Variants in LRRTM3 observed in about 807,000 individuals in gnomAD.
The protein encoded by LRRTM3 is leucine-rich repeat transmembrane neuronal protein 3.
LRRTM3 carries 24 observed loss-of-function variants against 44.7 expected under a neutral mutation model. That is an observed-to-expected ratio of 0.54 (90% CI 0.39 to 0.76). The LOEUF is 0.76. LRRTM3 is among the 30% of genes least tolerant of loss of function. LRRTM3 has a pLI of 0.00. For missense variants in LRRTM3, 587 were observed against 702.2 expected (o/e 0.84, Z 1.85); for synonymous variants, 277 against 278.7 (o/e 0.99, Z 0.06).
At chr10:67,093,819 G>A (rs935093440) in intron 2 of LRRTM3, among the ~76,000 whole-genome samples, 2 of 151,898 alleles carry the variant, frequency 1.3e-5, no homozygotes, top group African/African-American at 4.8e-5. Flanking sequence ...TTTCATCCTA[G>A]TCACACTCCT....
intron 2 of LRRTM3, among the ~76,000 whole-genome samples, chr10:67,041,205 C>T (rs1472787371): frequency 2.6e-5 from 4 of 152,018 alleles, no homozygotes; most frequent in African/African-American, 7.2e-5. Flanking sequence ...GAAAATCAAA[C>T]TTGTCAGAAT....
intron 2 of LRRTM3, among the ~76,000 whole-genome samples, chr10:67,060,721 C>T (rs1855709628): frequency 1.3e-5 from 2 of 152,132 alleles, no homozygotes; most frequent in Non-Finnish European, 2.9e-5. Flanking sequence ...AGGCATCATT[C>T]CAGATGATGT....
Position 66,931,721 on chromosome 10 carries a change from T to A in LRRTM3, c.1536+3269T>A, listed in dbSNP as rs149849830. Among the ~76,000 whole-genome samples the A allele has an allele frequency of 8.4e-3, 1,287 of 152,348 alleles. 10 individuals carry two copies. The highest frequency in any genetic ancestry group is 0.02 in the Middle Eastern group (6 of 294). On this transcript the variant is annotated intron_variant, in intron 2 of 2. Coordinates refer to ENST00000361320, the MANE Select transcript of LRRTM3 (RefSeq NM_178011.5). ...ATTATAATGTAATTTTTGAATGTTA[T>A]ACTTTTCATTTTGACTTTTATAGTA...
chr10:66,985,306 T>C (rs1850668530), intron 2 of LRRTM3, among the ~76,000 whole-genome samples: 1 of 152,194 alleles, frequency 6.6e-6, no homozygotes, highest in African/African-American at 2.4e-5. Flanking sequence ...TGCAGAATTC[T>C]GTACTACAAG....
At chr10:67,007,940 G>C (rs1852101680) in intron 2 of LRRTM3, among the ~76,000 whole-genome samples, 3 of 151,916 alleles carry the variant, frequency 2.0e-5, no homozygotes, top group South Asian at 4.1e-4. Flanking sequence ...GATCAGTTTT[G>C]TTAAAATGGA....
rs1446256243 is a variant in LRRTM3 at position 67,051,456 on chromosome 10, CTTTTTTCT to C, written c.1537-46124_1537-46117del. Among the ~76,000 whole-genome samples, 731 of 101,188 alleles carry C rather than the reference CTTTTTTCT, an allele frequency of 7.2e-3. 3 individuals are homozygous for C. Among genetic ancestry groups the C allele is most frequent in the African/African-American group, 0.021 (583 of 28,186 alleles). 66.4% of individuals were successfully genotyped at this position (101,188 alleles called of 152,430 possible). ...TCCTTACACATCTTTTTTCTTTTTT[CTTTTTTCT>C]TTTTTTTTTTTTGGTGACGGAGTCT... is the stretch of plus-strand genomic sequence containing the variant. On this transcript the variant is annotated intron_variant, in intron 2 of 2. Coordinates refer to ENST00000361320, the MANE Select transcript of LRRTM3 (RefSeq NM_178011.5).
chr10:67,019,372 C>T lies in LRRTM3; in HGVS notation c.1537-78215C>T, dbSNP rs555119387. Reference sequence around the variant, plus strand: ...TAGCTGGGATTACAGGCATGTGCCACCACGCCAGGCTAATTTTGTGTTTTT... The same window carrying T: ...TAGCTGGGATTACAGGCATGTGCCATCACGCCAGGCTAATTTTGTGTTTTT... On this transcript the variant is annotated intron_variant, in intron 2 of 2. Transcript: ENST00000361320. Among the ~76,000 whole-genome samples the T allele has an allele frequency of 3.8e-4, 58 of 152,278 alleles. No homozygotes were observed. The South Asian group carries it at 7.5e-3, about 20-fold the overall frequency.
chr10:66,982,893 A>G (rs921393641), intron 2 of LRRTM3, among the ~76,000 whole-genome samples: 24 of 152,170 alleles, frequency 1.6e-4, no homozygotes, highest in African/African-American at 5.1e-4. Context: ...GGGGAGAAGC[A>G]TAAGACCCCA....
Position 67,058,367 on chromosome 10 carries a change from G to T in LRRTM3, c.1537-39220G>T, listed in dbSNP as rs371745576. ...TTTATGTATTACATTGGTTTCAAGAGAAATTTTATAATTCTTATTCTTTTT... is the reference window on the plus strand; with the variant it reads ...TTTATGTATTACATTGGTTTCAAGATAAATTTTATAATTCTTATTCTTTTT... On this transcript the variant is annotated intron_variant, in intron 2 of 2. Transcript: ENST00000361320. Among the ~76,000 whole-genome samples, 23 of 152,274 alleles carry T rather than the reference G, an allele frequency of 1.5e-4. No homozygotes were observed. The South Asian group carries it at 4.1e-3, about 27-fold the overall frequency.
intron 2 of LRRTM3, among the ~76,000 whole-genome samples, chr10:66,938,043 T>C (rs996842157): frequency 6.6e-6 from 1 of 152,332 alleles, no homozygotes; most frequent in African/African-American, 2.4e-5. Context: ...ATGATAGATG[T>C]TGTTGAATTG....
chr10:66,980,346 A>G (rs1167726834), intron 2 of LRRTM3, among the ~76,000 whole-genome samples: 1 of 152,194 alleles, frequency 6.6e-6, no homozygotes, highest in Non-Finnish European at 1.5e-5. Flanking sequence ...GGAAATGCTT[A>G]CTGTCTGCTT....
At chr10:67,084,952 T>G (rs915655203) in intron 2 of LRRTM3, among the ~76,000 whole-genome samples, 1 of 151,970 alleles carries the variant, frequency 6.6e-6, no homozygotes, top group African/African-American at 2.4e-5. Context: ...GTGCCTTGTA[T>G]GTTATAAATA....
intron 2 of LRRTM3, among the ~76,000 whole-genome samples, chr10:66,975,503 C>T (rs553444411): frequency 5.3e-5 from 8 of 152,224 alleles, no homozygotes; most frequent in East Asian, 3.9e-4. Context: ...GGAAAAGCTT[C>T]GCAACTATTT....
intron 2 of LRRTM3, among the ~76,000 whole-genome samples, chr10:67,063,424 T>TA (rs1855880203): frequency 6.6e-6 from 1 of 152,134 alleles, no homozygotes. Flanking sequence ...GGAGTTAAAT[T>TA]CATTAAAGAA....
At chr10:67,033,022 A>G (rs1853829129) in intron 2 of LRRTM3, among the ~76,000 whole-genome samples, 1 of 152,196 alleles carries the variant, frequency 6.6e-6, no homozygotes, top group Non-Finnish European at 1.5e-5. Flanking sequence ...ATTTTACAGT[A>G]CTTTTACCAA....
intron 2 of LRRTM3, among the ~76,000 whole-genome samples, chr10:66,934,224 G>A (rs972797334): frequency 2.6e-5 from 4 of 151,926 alleles, no homozygotes; most frequent in African/African-American, 7.3e-5. Context: ...TCCAGCAAAT[G>A]TTGTAATGAT....
At chr10:66,941,760 G>C (rs1299990162) in intron 2 of LRRTM3, among the ~76,000 whole-genome samples, 2 of 152,176 alleles carry the variant, frequency 1.3e-5, no homozygotes, top group Non-Finnish European at 2.9e-5. Context: ...GGCTGAAAGA[G>C]GGAGCACACA....
intron 2 of LRRTM3, among the ~76,000 whole-genome samples, chr10:67,035,983 C>T (rs1854026528): frequency 6.6e-6 from 1 of 152,106 alleles, no homozygotes; most frequent in African/African-American, 2.4e-5. Context: ...AAAAACAATG[C>T]TTTAATAAAA....
chr10:67,048,380 T>C (rs1854879084), intron 2 of LRRTM3, among the ~76,000 whole-genome samples: 1 of 152,058 alleles, frequency 6.6e-6, no homozygotes, highest in East Asian at 1.9e-4. Flanking sequence ...ATAAATTCCT[T>C]ACATGATGAT....
Sources: allele counts gnomAD v4.1 joint callset (sites outside exome capture counted in the v4.1 genomes callset), GRCh38; gene constraint gnomAD v4.1.1; transcripts MANE v1.5; gene names NCBI Gene and HGNC (gene_info 2026-07-23, HGNC 2026-07-21).